The following CEP41 variants were observed in gnomAD, a reference collection of about 807,000 sequenced individuals.
CEP41 encodes the protein centrosomal protein of 41 kDa.
In CEP41, 32 loss-of-function variants were observed where a neutral mutation model predicts 44.3. The observed-to-expected ratio is 0.72, with a 90% CI of 0.54 to 0.97. CEP41 has a LOEUF of 0.97. CEP41 is among the 50% of genes least tolerant of loss of function. The probability of loss-of-function intolerance (pLI) is 0.00; values close to 1 mark genes in which losing one functional copy is unlikely to be tolerated. For missense variants in CEP41, 432 were observed against 455.2 expected (o/e 0.95, Z 0.46); for synonymous variants, 151 against 168.5 (o/e 0.90, Z 0.80).
At position 130,393,819 on chromosome 7, in the gene CEP41, C is replaced by G; in HGVS notation, c.*5072G>C. On this transcript the variant is annotated 3_prime_UTR_variant, in exon 11 of 11. Coordinates refer to ENST00000223208, the MANE Select transcript of CEP41 (RefSeq NM_018718.3). ...TGAATGGCTAGACCTATCAGGAAAACAGCCTACTTTTTTCCCCCTACAATA... is the reference window on the plus strand; with the variant it reads ...TGAATGGCTAGACCTATCAGGAAAAGAGCCTACTTTTTTCCCCCTACAATA... 1 of 454,016 alleles carries G rather than the reference C, an allele frequency of 2.2e-6. No homozygotes were observed. The allele number at this position is 454,016 out of a possible 1,614,324, so 28.1% of individuals were successfully genotyped here.
Position 130,401,985 on chromosome 7 carries a change from T to C in CEP41, c.575-37A>G, listed in dbSNP as rs1796858516. 5 of 1,434,392 alleles carry C rather than the reference T, an allele frequency of 3.5e-6. No individual in the cohort carries two copies. In the Admixed American group the frequency reaches 8.4e-5, roughly 24 times the overall value. The allele number at this position is 1,434,392 out of a possible 1,614,324, so 88.9% of individuals were successfully genotyped here. A position where few individuals can be genotyped will look rare whatever the true frequency, so the allele number is the denominator to read the frequency against. On this transcript the variant is annotated intron_variant, in intron 7 of 10. Transcript: ENST00000223208. Reference sequence around the variant, plus strand: ...AGAAAAAGTTTAGGAAGTCTGTTGTTCTCTTAATACAACTTGGCCTCAATT... The same window carrying C: ...AGAAAAAGTTTAGGAAGTCTGTTGTCCTCTTAATACAACTTGGCCTCAATT...
rs1554417775 is a variant in CEP41, at chr7:130,404,576, G to C, written c.410C>G (p.Ser137Ter). The C allele has an allele frequency of 6.2e-7, 1 of 1,613,834 alleles. No individual in the cohort carries two copies. Among genetic ancestry groups the C allele is most frequent in the Non-Finnish European group, 8.5e-7 (1 of 1,179,754 alleles). Reference protein sequence around the residue: ...NNAGAGDSSRSTLQSVISGVG... With the variant: ...NNAGAGDSSR The stretch of plus-strand genomic sequence containing the variant: ...CAGCTTCGAGTACCTCTGAAGAGTT[G>C]AGCGGCTGGAGTCCCCTGCTCCTGC... The change falls in exon 6 of 11, where the codon TCA becomes TGA. Residue 137 changes from serine to a stop codon, truncating the protein, a stop_gained. Coordinates refer to ENST00000223208, the MANE Select transcript of CEP41 (RefSeq NM_018718.3). LOFTEE classifies it high-confidence loss of function.
chr7:130,408,646 G>A (rs1797082064), intron 5 of CEP41, among the ~76,000 whole-genome samples: 1 of 152,136 alleles, frequency 6.6e-6, no homozygotes, highest in South Asian at 2.1e-4. Context: ...AATGCAAACA[G>A]GTAGAACCAT....
Position 130,402,799 on chromosome 7 carries a change from A to C in CEP41, c.423T>G (p.Ser141Arg). ...AGDSSRSTLQ[S>R]VISGVGELDL... ...CCAGTTCCCCAACACCACTGATGAC[A>C]CTGCAAGTGAAAAAGTAGGTCAGCA... The change falls in exon 7 of 11, where the codon AGT becomes AGG. Residue 141 changes from serine (S) to arginine (R), a missense_variant and splice_region_variant. By Grantham distance (110) the Ser-to-Arg change is moderately radical. Coordinates refer to ENST00000223208, the MANE Select transcript of CEP41 (RefSeq NM_018718.3). 6.2e-7 allele frequency: 1 copy of C among 1,614,132 alleles called. No homozygotes were observed. Among genetic ancestry groups the C allele is most frequent in the Non-Finnish European group, 8.5e-7 (1 of 1,179,992 alleles).
chr7:130,412,022 CA>C (rs1797196664), intron 4 of CEP41, 156 bp downstream of exon 4: 1 of 693,490 alleles, frequency 1.4e-6, no homozygotes, highest in Non-Finnish European at 2.6e-6. Flanking sequence ...CATGTGAACA[CA>C]CACACCACAT....
Position 130,396,258 on chromosome 7 carries a change from A to C in CEP41, c.*2633T>G. On this transcript the variant is annotated 3_prime_UTR_variant, in exon 11 of 11. Coordinates refer to ENST00000223208, the MANE Select transcript of CEP41 (RefSeq NM_018718.3). Reference sequence around the variant, plus strand: ...AAGCCCCAGACAAGGGCAGCTAGTCAACCCCTGAGACGCTGGTAGGAAGCC... The same window carrying C: ...AAGCCCCAGACAAGGGCAGCTAGTCCACCCCTGAGACGCTGGTAGGAAGCC... The C allele has an allele frequency of 2.2e-6, 1 of 454,124 alleles. No homozygotes were observed. Among genetic ancestry groups the C allele is most frequent in the Non-Finnish European group, 4.4e-6 (1 of 226,788 alleles). 28.1% of individuals were successfully genotyped at this position (454,124 alleles called of 1,614,324 possible). A position where few individuals can be genotyped will look rare whatever the true frequency, so the allele number is the denominator to read the frequency against.
In CEP41 at chr7:130,410,026, C is replaced by CTTCTTTTTTTTTT. The variant is rs1554419057; in HGVS notation, c.277+1083_277+1095dup. Among the ~76,000 whole-genome samples, 100 of 131,872 alleles carry CTTCTTTTTTTTTT rather than the reference C, an allele frequency of 7.6e-4. 2 individuals are homozygous for CTTCTTTTTTTTTT. In the East Asian group the frequency reaches 0.021, roughly 27 times the overall value. 86.5% of individuals were successfully genotyped at this position (131,872 alleles called of 152,430 possible). A position where few individuals can be genotyped will look rare whatever the true frequency, so the allele number is the denominator to read the frequency against. ...GTGCCTTGAGGAAGCCTACCTCGGT[C>CTTCTTTTTTTTTT]TTCTTTTTTTTTTTTTTGAGACAGA... On this transcript the variant is annotated intron_variant, in intron 5 of 10. Coordinates refer to ENST00000223208, the MANE Select transcript of CEP41 (RefSeq NM_018718.3).
chr7:130,396,799 C>A lies in CEP41; in HGVS notation c.*2092G>T, dbSNP rs1477602850. On this transcript the variant is annotated 3_prime_UTR_variant, in exon 11 of 11. Coordinates refer to ENST00000223208, the MANE Select transcript of CEP41 (RefSeq NM_018718.3). Reference sequence around the variant, plus strand: ...GAGAAATACACATAAATATATCCAACCTGCCAGATCTCTCAGGTGAGTGCA... The same window carrying A: ...GAGAAATACACATAAATATATCCAAACTGCCAGATCTCTCAGGTGAGTGCA... 1 of 453,880 alleles carries A rather than the reference C, an allele frequency of 2.2e-6. No homozygotes were observed. Among genetic ancestry groups the A allele is most frequent in the African/African-American group, 2.0e-5 (1 of 49,994 alleles). The allele number at this position is 453,880 out of a possible 1,614,324, so 28.1% of individuals were successfully genotyped here.
chr7:130,429,697 C>G (rs1797768701), intron 1 of CEP41, among the ~76,000 whole-genome samples: 1 of 152,234 alleles, frequency 6.6e-6, no homozygotes, highest in Non-Finnish European at 1.5e-5. Context: ...CTTTCCTTCA[C>G]TACTCCTTGG....
In CEP41 at chr7:130,424,758, G is replaced by A. The variant is rs573879432; in HGVS notation, c.97+3197C>T. Among the ~76,000 whole-genome samples the A allele has an allele frequency of 2.0e-4, 30 of 151,886 alleles. No individual in the cohort carries two copies. The East Asian group carries it at 5.8e-3, about 29-fold the overall frequency. ...ATAAAACTTTTAGAAAAAAAATCATGGTAGAAAAAAAAATCATTGGGATCG... is the reference window on the plus strand; with the variant it reads ...ATAAAACTTTTAGAAAAAAAATCATAGTAGAAAAAAAAATCATTGGGATCG... On this transcript the variant is annotated intron_variant, in intron 2 of 10. Coordinates refer to ENST00000223208, the MANE Select transcript of CEP41 (RefSeq NM_018718.3).
Position 130,395,121 on chromosome 7 carries a change from T to C in CEP41, c.*3770A>G, listed in dbSNP as rs1796622074. On this transcript the variant is annotated 3_prime_UTR_variant, in exon 11 of 11. Transcript: ENST00000223208. ...ATTTCCACCATTACATTTTTTATGT[T>C]GTAACTGACCTGTGTATCCATTTAA... 2.2e-6 allele frequency: 1 copy of C among 454,018 alleles called. No individual in the cohort carries two copies. Among genetic ancestry groups the C allele is most frequent in the Non-Finnish European group, 4.4e-6 (1 of 226,804 alleles). The allele number at this position is 454,018 out of a possible 1,614,324, so 28.1% of individuals were successfully genotyped here.
At chr7:130,435,161 A>G (rs1797926333) in intron 1 of CEP41, among the ~76,000 whole-genome samples, 1 of 152,162 alleles carries the variant, frequency 6.6e-6, no homozygotes, top group South Asian at 2.1e-4. Context: ...CCATCCCCCA[A>G]TCACACACAT....
rs145332490 is a variant in CEP41, at chr7:130,409,380, C to T, written c.277+1742G>A. Among the ~76,000 whole-genome samples, 265 of 152,286 alleles carry T rather than the reference C, an allele frequency of 1.7e-3. 5 individuals carry two copies. The highest frequency in any genetic ancestry group is 0.017 in the Admixed American group (255 of 15,306). On this transcript the variant is annotated intron_variant, in intron 5 of 10. Coordinates refer to ENST00000223208, the MANE Select transcript of CEP41 (RefSeq NM_018718.3). ...GCAATCTCAACAATGAATTAAAGGA[C>T]CAAATCTAGGTGCTTATATAACCCA...
intron 2 of CEP41, chr7:130,421,881 C>T: frequency 6.6e-7 from 1 of 1,513,440 alleles, no homozygotes; most frequent in Non-Finnish European, 8.8e-7. Flanking sequence ...AGAGAGGGTG[C>T]TTGAGAATAT....
intron 2 of CEP41, chr7:130,419,960 C>T (rs1280860949): frequency 5.1e-6 from 5 of 982,632 alleles, no homozygotes; most frequent in African/African-American, 3.5e-5. Context: ...TACACACACA[C>T]ACACACACAC....
chr7:130,427,800 A>T (rs1290414306), intron 2 of CEP41, among the ~76,000 whole-genome samples, 155 bp downstream of exon 2: 5 of 152,242 alleles, frequency 3.3e-5, no homozygotes, highest in African/African-American at 1.2e-4. Context: ...TAATCTGAAA[A>T]ACATCTTTCA....
chr7:130,411,062 G>A (rs1797167857), intron 5 of CEP41, 60 bp downstream of exon 5: 1 of 1,390,118 alleles, frequency 7.2e-7, no homozygotes, highest in South Asian at 1.2e-5. Flanking sequence ...TGTGTACAGG[G>A]TGAGTGTTTC....
chr7:130,401,447 C>G (rs1554416890), intron 8 of CEP41, among the ~76,000 whole-genome samples: 1 of 145,000 alleles, frequency 6.9e-6, no homozygotes, highest in Non-Finnish European at 1.5e-5. Flanking sequence ...GTAATAGAAG[C>G]CACTGCTCAA....
At chr7:130,421,782 A>G (rs1797516491) in intron 2 of CEP41, 2 of 1,251,924 alleles carry the variant, frequency 1.6e-6, no homozygotes. Context: ...AATGCAGCCA[A>G]TGAAAGACTG....
Sources: allele counts gnomAD v4.1 joint callset (sites outside exome capture counted in the v4.1 genomes callset), GRCh38; gene constraint gnomAD v4.1.1; transcripts MANE v1.5; gene names NCBI Gene and HGNC (gene_info 2026-07-23, HGNC 2026-07-21).